SLC39A10: variants seen among roughly 807,000 people sequenced by gnomAD.
The protein encoded by SLC39A10 is zinc transporter ZIP10.
SLC39A10 carries 13 observed loss-of-function variants against 65.1 expected under a neutral mutation model. That is an observed-to-expected ratio of 0.20 (90% confidence interval 0.13 to 0.32). The LOEUF is 0.32. Among genes scored for constraint, SLC39A10 ranks in the 10% least tolerant of loss-of-function variants. The probability of loss-of-function intolerance (pLI) is 1.00; values close to 1 mark genes in which losing one functional copy is unlikely to be tolerated. For synonymous variants in SLC39A10, 321 were observed against 342.2 expected (o/e 0.94, Z 0.68); for missense variants, 831 against 1,018.4 (o/e 0.82, Z 2.50).
intron 8 of SLC39A10, among the ~76,000 whole-genome samples, chr2:195,723,207 C>G (rs1034003111): frequency 2.0e-5 from 3 of 152,162 alleles, no homozygotes; most frequent in Non-Finnish European, 2.9e-5. Flanking sequence ...TGTGTTTGCT[C>G]TCTGGTGTGG....
chr2:195,630,102 TA>T (rs1688555056), intron 2 of SLC39A10, among the ~76,000 whole-genome samples: 1 of 97,842 alleles, frequency 1.0e-5, no homozygotes, highest in African/African-American at 4.4e-5. Context: ...ACTCATTTTA[TA>T]TGTGTGTGTG....
chr2:195,724,540 A>G (rs888836018), intron 8 of SLC39A10, among the ~76,000 whole-genome samples: 4 of 152,188 alleles, frequency 2.6e-5, no homozygotes, highest in African/African-American at 9.6e-5. Flanking sequence ...ATTGCTATAT[A>G]CTAGTAATCA....
chr2:195,678,083 G>A (rs959401891), intron 1 of SLC39A10, among the ~76,000 whole-genome samples: 1 of 152,082 alleles, frequency 6.6e-6, no homozygotes, highest in Non-Finnish European at 1.5e-5. Flanking sequence ...TAATGATTAC[G>A]TGAATATTCA....
At chr2:195,675,772 C>G (rs2105760545) in intron 1 of SLC39A10, among the ~76,000 whole-genome samples, 1 of 152,274 alleles carries the variant, frequency 6.6e-6, no homozygotes, top group African/African-American at 2.4e-5. Flanking sequence ...TGCCTAAGTG[C>G]AAGGGTAATT....
chr2:195,648,775 G>A (rs965814693), intron 2 of SLC39A10, among the ~76,000 whole-genome samples: 8 of 152,206 alleles, frequency 5.3e-5, no homozygotes, highest in South Asian at 2.1e-4. Context: ...CATATTTTAT[G>A]TAACCATCTC....
rs1023412400 is a variant in SLC39A10, at chr2:195,716,928, A to T, written c.1988A>T (p.Glu663Val). 6.8e-6 allele frequency: 11 copies of T among 1,614,216 alleles called. No homozygotes were observed. Among genetic ancestry groups the T allele is most frequent in the Non-Finnish European group, 9.3e-6 (11 of 1,180,032 alleles). Residue 663 changes from glutamate to valine, a missense_variant, in exon 7 of 10, where the codon GAA becomes GTA. Around this residue, in one of 4 missense-constraint regions of SLC39A10, gnomAD observed 230 missense variants for 242.9 expected, o/e 0.95. Transcript: ENST00000359634. ...GPCHSGSDLK[E>V]TGIANIAWMV... ...TGTCATTCTGGATCCGATCTGAAAG[A>T]AACAGGAATAGCTAATATAGCCTGG...
At chr2:195,636,374 AT>A (rs999581296) in intron 2 of SLC39A10, among the ~76,000 whole-genome samples, 5 of 152,116 alleles carry the variant, frequency 3.3e-5, no homozygotes, top group African/African-American at 4.8e-5. Flanking sequence ...AAGTATTTAA[AT>A]TTTTTTTATT....
At position 195,681,070 on chromosome 2, in the gene SLC39A10, C is replaced by T. The variant is rs377523256; in HGVS notation, c.1008+20C>T. On this transcript the variant is annotated intron_variant, in intron 2 of 9. Transcript: ENST00000359634. ...CATGAAGTAAGTATAAAAAGATGTC[C>T]GATAGCTGCTTCGTAATTCTCACAT... is the stretch of plus-strand genomic sequence containing the variant. 4.6e-5 allele frequency: 73 copies of T among 1,577,424 alleles called. No homozygotes were observed. The highest frequency in any genetic ancestry group is 2.0e-4 in the Admixed American group (11 of 55,968).
chr2:195,693,841 G>C (rs568619900), intron 3 of SLC39A10, among the ~76,000 whole-genome samples: 1 of 152,170 alleles, frequency 6.6e-6, no homozygotes, highest in African/African-American at 2.4e-5. Context: ...TTCTTCTGCT[G>C]GGTTTGGGTT....
chr2:195,615,578 A>T (rs954206316), intron 2 of SLC39A10, among the ~76,000 whole-genome samples: 1 of 152,170 alleles, frequency 6.6e-6, no homozygotes, highest in African/African-American at 2.4e-5. Flanking sequence ...GGGACTTTTT[A>T]AATTTCGCAG....
chr2:195,644,803 CAA>C (rs879723988), intron 2 of SLC39A10, among the ~76,000 whole-genome samples: 7 of 136,902 alleles, frequency 5.1e-5, no homozygotes, highest in Admixed American at 1.5e-4. Flanking sequence ...CATCCTGTCT[CAA>C]AAAAAAAAAG....
intron 3 of SLC39A10, among the ~76,000 whole-genome samples, chr2:195,686,302 T>A (rs891370454): frequency 6.6e-6 from 1 of 152,248 alleles, no homozygotes; most frequent in African/African-American, 2.4e-5. Flanking sequence ...TCTAGGCACC[T>A]ACATTTCTAT....
intron 1 of SLC39A10, among the ~76,000 whole-genome samples, chr2:195,672,523 G>T (rs2105753901): frequency 6.6e-6 from 1 of 152,268 alleles, no homozygotes; most frequent in African/African-American, 2.4e-5. Flanking sequence ...ATAAAAAAAA[G>T]CACAGGTTTA....
At chr2:195,617,298 C>A (rs1420504941) in intron 2 of SLC39A10, among the ~76,000 whole-genome samples, 1 of 152,154 alleles carries the variant, frequency 6.6e-6, no homozygotes, top group African/African-American at 2.4e-5. Context: ...CGTAGTGGCT[C>A]ATGCCTGTAA....
chr2:195,707,035 A>G (rs1474568942), intron 4 of SLC39A10, among the ~76,000 whole-genome samples: 5 of 152,160 alleles, frequency 3.3e-5, no homozygotes, highest in African/African-American at 1.2e-4. Flanking sequence ...TTGCAATATC[A>G]GTAGCAGTGA....
intron 2 of SLC39A10, among the ~76,000 whole-genome samples, chr2:195,638,960 T>G (rs953726309): frequency 6.0e-5 from 9 of 150,934 alleles, no homozygotes; most frequent in African/African-American, 2.0e-4. Flanking sequence ...CAGTTTTTTT[T>G]TTTGTTTTTG....
chr2:195,679,422 A>G (rs780415933), intron 1 of SLC39A10, among the ~76,000 whole-genome samples: 6 of 152,166 alleles, frequency 3.9e-5, no homozygotes, highest in Non-Finnish European at 2.9e-5. Flanking sequence ...CATAGAGTAA[A>G]TGCTTCAATT....
intron 3 of SLC39A10, among the ~76,000 whole-genome samples, chr2:195,690,173 GAAAAAAAAA>G (rs34116515): frequency 6.4e-4 from 39 of 61,156 alleles, no homozygotes; most frequent in African/African-American, 1.6e-3. Flanking sequence ...GAGACTCTCT[GAAAAAAAAA>G]AAAAAAAAAA....
chr2:195,685,494 T>G (rs1317531214), intron 3 of SLC39A10, among the ~76,000 whole-genome samples: 1 of 152,188 alleles, frequency 6.6e-6, no homozygotes, highest in Non-Finnish European at 1.5e-5. Flanking sequence ...CTTGACATTC[T>G]TAACGCTCAT....
Sources: gnomAD v4.1 joint callset for allele counts (sites outside exome capture counted in the v4.1 genomes callset) on GRCh38, gnomAD v4.1.1 for gene constraint, gnomAD v4.1.1 regional missense constraint, MANE v1.5 for transcripts, NCBI Gene and HGNC (gene_info 2026-07-23, HGNC 2026-07-21) for gene names.